MACROD2: variants seen among roughly 807,000 people sequenced by gnomAD.
The protein encoded by MACROD2 is mono-ADP ribosylhydrolase 2, also known as ADP-ribose glycohydrolase MACROD2.
A neutral mutation model predicts 70.4 loss-of-function variants in MACROD2; 36 were observed. The ratio of observed to expected loss-of-function variants is 0.51; its 90% confidence interval spans 0.39 to 0.68. MACROD2 has a LOEUF of 0.68. MACROD2 is among the 30% of genes least tolerant of loss of function. The probability of loss-of-function intolerance (pLI) is 0.00; values close to 1 mark genes in which losing one functional copy is unlikely to be tolerated. For missense variants in MACROD2, 496 were observed against 538.4 expected (o/e 0.92, Z 0.78); for synonymous variants, 172 against 178.8 (o/e 0.96, Z 0.30).
At chr20:15,819,004 A>G (rs1366333553) in intron 8 of MACROD2, among the ~76,000 whole-genome samples, 1 of 152,054 alleles carries the variant, frequency 6.6e-6, no homozygotes, top group East Asian at 1.9e-4. Flanking sequence ...GGGATTCAAA[A>G]GCAAGCTCTT....
At chr20:14,687,186 TA>T in intron 5 of MACROD2, among the ~76,000 whole-genome samples, 1 of 152,294 alleles carries the variant, frequency 6.6e-6, no homozygotes, top group African/African-American at 2.4e-5. Flanking sequence ...TATCTGTCCT[TA>T]AACCAAGTAA....
At chr20:14,965,917 AAAATCTACAGAGC>A (rs1404927447) in intron 5 of MACROD2, among the ~76,000 whole-genome samples, 2 of 152,170 alleles carry the variant, frequency 1.3e-5, no homozygotes, top group Non-Finnish European at 2.9e-5. Context: ...ATAAATAACC[AAAATCTACAGAGC>A]AAATTATGGT....
At position 15,599,376 on chromosome 20, in the gene MACROD2, G is replaced by C. The variant is rs1017090240; in HGVS notation, c.645+99529G>C. On this transcript the variant is annotated intron_variant, in intron 8 of 17. Coordinates refer to ENST00000684519, the MANE Select transcript of MACROD2 (RefSeq NM_001351661.2). ...CACTGCACTCCAGTCTGGCGACAGA[G>C]CAAGACTCTGTCTCAAAAAAAAAAG... Among the ~76,000 whole-genome samples, 3 of 151,920 alleles carry C rather than the reference G, an allele frequency of 2.0e-5. No homozygotes were observed. In the East Asian group the frequency reaches 5.8e-4, roughly 29 times the overall value.
chr20:14,553,408 C>A (rs1341111292), intron 4 of MACROD2, among the ~76,000 whole-genome samples: 2 of 127,870 alleles, frequency 1.6e-5, no homozygotes, highest in Non-Finnish European at 3.3e-5. Flanking sequence ...TTCTAGTTAA[C>A]TTTTTTTTTT....
intron 9 of MACROD2, among the ~76,000 whole-genome samples, chr20:15,867,791 T>C (rs74900539): frequency 0.039 from 5,917 of 152,280 alleles, 177 homozygotes; most frequent in Middle Eastern, 0.082. Flanking sequence ...TTTATAACGG[T>C]ATTAAAGAAT....
At chr20:14,627,711 C>G (rs113489020) in intron 4 of MACROD2, among the ~76,000 whole-genome samples, 1 of 152,094 alleles carries the variant, frequency 6.6e-6, no homozygotes, top group African/African-American at 2.4e-5. Flanking sequence ...CCAAGCACCC[C>G]CTTTGTGTGT....
chr20:15,893,694 G>C (rs2064924209), intron 10 of MACROD2: 1 of 456,580 alleles, frequency 2.2e-6, no homozygotes, highest in Admixed American at 2.3e-5. Flanking sequence ...AGAAGCGATA[G>C]AGCAGTACAA....
chr20:14,039,455 T>C (rs554961050), intron 2 of MACROD2, among the ~76,000 whole-genome samples: 2 of 152,298 alleles, frequency 1.3e-5, no homozygotes, highest in African/African-American at 4.8e-5. Flanking sequence ...TTCTTTAATC[T>C]TAACAAACCC....
At chr20:14,423,594 G>A (rs1936054070) in intron 3 of MACROD2, among the ~76,000 whole-genome samples, 1 of 150,490 alleles carries the variant, frequency 6.6e-6, no homozygotes, top group African/African-American at 2.4e-5. Flanking sequence ...CAGCTACTCG[G>A]GAGGCTGAGG....
At position 14,572,170 on chromosome 20, in the gene MACROD2, CTA is replaced by C. The variant is rs1220863189; in HGVS notation, c.301+78664_301+78665del. On this transcript the variant is annotated intron_variant, in intron 4 of 17. Coordinates refer to ENST00000684519, the MANE Select transcript of MACROD2 (RefSeq NM_001351661.2). Reference sequence around the variant, plus strand: ...GGTATATATATTTATTATATCATCTCTATTTTTAAAGTATAGGCCAATCATAT... The same window carrying C: ...GGTATATATATTTATTATATCATCTCTTTTTAAAGTATAGGCCAATCATAT... 3.3e-5 allele frequency among the ~76,000 whole-genome samples: 5 copies of C among 152,104 alleles called. No individual in the cohort carries two copies. The East Asian group carries it at 9.7e-4, about 29-fold the overall frequency.
intron 11 of MACROD2, among the ~76,000 whole-genome samples, chr20:15,936,506 A>G (rs558891502): frequency 6.8e-6 from 1 of 146,618 alleles, no homozygotes; most frequent in South Asian, 2.1e-4. Context: ...CTATATATAT[A>G]CTCTATATAT....
chr20:15,975,124 A>G (rs1433756603), intron 13 of MACROD2, among the ~76,000 whole-genome samples: 1 of 152,180 alleles, frequency 6.6e-6, no homozygotes, highest in Non-Finnish European at 1.5e-5. Flanking sequence ...AAAAGAAGAT[A>G]TACAGTCATT....
chr20:14,407,614 A>G (rs1463901836), intron 3 of MACROD2, among the ~76,000 whole-genome samples: 2 of 152,164 alleles, frequency 1.3e-5, no homozygotes, highest in Non-Finnish European at 2.9e-5. Context: ...GGACGCTCTC[A>G]AAATGAAGTA....
chr20:14,852,549 G>A (rs991709056), intron 5 of MACROD2, among the ~76,000 whole-genome samples: 3 of 152,072 alleles, frequency 2.0e-5, no homozygotes, highest in African/African-American at 7.2e-5. Context: ...TCCTCATTTT[G>A]GAGAGCCTCT....
At chr20:15,682,751 T>A (rs1037097381) in intron 8 of MACROD2, among the ~76,000 whole-genome samples, 1 of 152,234 alleles carries the variant, frequency 6.6e-6, no homozygotes, top group Non-Finnish European at 1.5e-5. Context: ...GCATCTGCGG[T>A]TAATGGCTTT....
intron 11 of MACROD2, among the ~76,000 whole-genome samples, chr20:15,933,679 A>G (rs1233069975): frequency 6.6e-6 from 1 of 152,216 alleles, no homozygotes; most frequent in African/African-American, 2.4e-5. Context: ...GCTTGAGGGA[A>G]AAAATGAAAT....
At chr20:15,266,287 AAGAT>A (rs1251613222) in intron 6 of MACROD2, among the ~76,000 whole-genome samples, 4 of 152,202 alleles carry the variant, frequency 2.6e-5, no homozygotes, top group Non-Finnish European at 4.4e-5. Flanking sequence ...GGGAAGTGAA[AAGAT>A]ACAAGTTTTC....
At chr20:14,218,661 T>G (rs1439304994) in intron 3 of MACROD2, among the ~76,000 whole-genome samples, 1 of 152,232 alleles carries the variant, frequency 6.6e-6, no homozygotes, top group Non-Finnish European at 1.5e-5. Flanking sequence ...AGGCTCTGTT[T>G]TCACATGTTT....
At chr20:14,458,058 G>A (rs375906514) in intron 3 of MACROD2, among the ~76,000 whole-genome samples, 2 of 151,338 alleles carry the variant, frequency 1.3e-5, no homozygotes, top group Admixed American at 6.6e-5. Context: ...CAGAGATCAC[G>A]CCATTGCACT....
Sources: allele counts gnomAD v4.1 joint callset (sites outside exome capture counted in the v4.1 genomes callset), GRCh38; gene constraint gnomAD v4.1.1; transcripts MANE v1.5; gene names NCBI Gene and HGNC (gene_info 2026-07-23, HGNC 2026-07-21).